The following SIL1 variants were observed in gnomAD, a reference collection of about 807,000 sequenced individuals.
The protein encoded by SIL1 is nucleotide exchange factor SIL1.
SIL1 carries 40 observed loss-of-function variants against 49.1 expected under a neutral mutation model. That is an observed-to-expected ratio of 0.81 (90% CI 0.63 to 1.06). SIL1 has a LOEUF of 1.06. SIL1 is among the 50% of genes least tolerant of loss of function. The pLI is 0.00. For missense variants in SIL1, 500 were observed against 572.6 expected (o/e 0.87, Z 1.29); for synonymous variants, 253 against 250.8 (o/e 1.01, Z -0.08).
At chr5:138,990,167 T>C (rs1767726593) in intron 7 of SIL1, among the ~76,000 whole-genome samples, 1 of 152,196 alleles carries the variant, frequency 6.6e-6, no homozygotes, top group African/African-American at 2.4e-5. Context: ...TCCAACCCAA[T>C]GTGAGCGTAC....
intron 3 of SIL1, among the ~76,000 whole-genome samples, chr5:139,102,029 G>A (rs973356926): frequency 6.6e-6 from 1 of 152,154 alleles, no homozygotes; most frequent in African/African-American, 2.4e-5. Context: ...GAAAAGACAC[G>A]CACTTGGGTG....
chr5:138,998,307 A>G lies in SIL1; in HGVS notation c.767+22864T>C, dbSNP rs1425184893. ...GTGATCCTCCTGAGTAGCTGCGACC[A>G]CAGGCGCGCACCACCACACTTGGCA... On this transcript the variant is annotated intron_variant, in intron 7 of 9. Coordinates refer to ENST00000394817, the MANE Select transcript of SIL1 (RefSeq NM_022464.5). Among the ~76,000 whole-genome samples, 3 of 152,136 alleles carry G rather than the reference A, an allele frequency of 2.0e-5. No individual in the cohort carries two copies. The East Asian group carries it at 5.8e-4, about 29-fold the overall frequency.
chr5:138,976,941 G>A (rs140433650), intron 7 of SIL1, among the ~76,000 whole-genome samples: 4 of 152,246 alleles, frequency 2.6e-5, no homozygotes, highest in Non-Finnish European at 4.4e-5. Flanking sequence ...CTCTCTGAGA[G>A]CTTCTCACAC....
In SIL1 at chr5:139,195,617, G is replaced by A. The variant is rs943934669; in HGVS notation, c.-11+2652C>T. Among the ~76,000 whole-genome samples the A allele has an allele frequency of 3.3e-5, 5 of 151,788 alleles. 1 individual carries two copies. Among genetic ancestry groups the A allele is most frequent in the Non-Finnish European group, 7.4e-5 (5 of 67,966 alleles). On this transcript the variant is annotated intron_variant, in intron 1 of 9. Transcript: ENST00000394817. ...TTAGCCAGGATGGTCTCGATCTCCT[G>A]ACCTCGTGATCCGCCCACCTTGGCC...
Position 139,000,817 on chromosome 5 carries a change from T to C in SIL1, c.767+20354A>G, listed in dbSNP as rs544640096. On this transcript the variant is annotated intron_variant, in intron 7 of 9. Coordinates refer to ENST00000394817, the MANE Select transcript of SIL1 (RefSeq NM_022464.5). ...GCTACACACAAGAATATATTTGCTA[T>C]GCATATAATTGACAAAAGACAGTAT... Among the ~76,000 whole-genome samples the C allele has an allele frequency of 3.5e-4, 53 of 152,002 alleles. 1 individual carries two copies. The highest frequency in any genetic ancestry group is 6.9e-4 in the Non-Finnish European group (47 of 67,988).
intron 7 of SIL1, among the ~76,000 whole-genome samples, chr5:138,981,736 C>T (rs1474967694): frequency 1.3e-5 from 2 of 152,212 alleles, no homozygotes; most frequent in East Asian, 3.9e-4. Context: ...TCTGTTCTGT[C>T]CCAGATGCGC....
intron 3 of SIL1, among the ~76,000 whole-genome samples, chr5:139,068,562 AG>A (rs1022486658): frequency 1.3e-5 from 2 of 151,870 alleles, no homozygotes; most frequent in Non-Finnish European, 2.9e-5. Context: ...AAACAGAGCC[AG>A]GAAACCTCAT....
intron 2 of SIL1, among the ~76,000 whole-genome samples, chr5:139,121,967 A>C (rs779645261): frequency 2.6e-5 from 4 of 152,136 alleles, no homozygotes; most frequent in Non-Finnish European, 4.4e-5. Context: ...TCCCATTTTT[A>C]AACCCGTTCT....
chr5:139,012,192 A>C (rs956854154), intron 7 of SIL1: 1 of 152,386 alleles, frequency 6.6e-6, no homozygotes, highest in African/African-American at 2.4e-5. Context: ...AGCTGGGACC[A>C]CAGAAACATA....
At chr5:139,119,155 A>G (rs954348429) in intron 3 of SIL1, among the ~76,000 whole-genome samples, 4 of 152,174 alleles carry the variant, frequency 2.6e-5, no homozygotes, top group African/African-American at 9.7e-5. Context: ...GTTAACTGTA[A>G]AAATCAGTGC....
chr5:139,055,622 CTCT>C (rs1769391041), intron 3 of SIL1, among the ~76,000 whole-genome samples: 9 of 100,148 alleles, frequency 9.0e-5, no homozygotes, highest in East Asian at 2.6e-4. Flanking sequence ...CCCTCTCCCC[CTCT>C]CCCCCTCTCC....
In SIL1 at chr5:139,082,845, A is replaced by AG. The variant is rs1322012632; in HGVS notation, c.245-31800dup. Among the ~76,000 whole-genome samples, 6 of 152,354 alleles carry AG rather than the reference A, an allele frequency of 3.9e-5. No homozygotes were observed. In the East Asian group the frequency reaches 1.2e-3, roughly 29 times the overall value. On this transcript the variant is annotated intron_variant, in intron 3 of 9. Coordinates refer to ENST00000394817, the MANE Select transcript of SIL1 (RefSeq NM_022464.5). Reference sequence around the variant, plus strand: ...ATAATCAGTGAGATCCTAGTCAGGAAGCTGATCATGGATTAAGCCCATCAG... The same window carrying AG: ...ATAATCAGTGAGATCCTAGTCAGGAAGGCTGATCATGGATTAAGCCCATCAG...
At chr5:139,011,276 C>T (rs575809561) in intron 7 of SIL1, among the ~76,000 whole-genome samples, 3,174 of 152,066 alleles carry the variant, frequency 0.021, 98 homozygotes, top group African/African-American at 0.074. Flanking sequence ...AACTCCCTGA[C>T]CCCTTGCGCT....
intron 1 of SIL1, among the ~76,000 whole-genome samples, chr5:139,171,713 GA>G (rs1438166140): frequency 2.2e-4 from 29 of 133,104 alleles, no homozygotes; most frequent in African/African-American, 5.6e-4. Flanking sequence ...AAAATAAAAA[GA>G]AAAAAAATAA....
intron 5 of SIL1, among the ~76,000 whole-genome samples, chr5:139,039,815 A>T (rs1381155833): frequency 1.3e-5 from 2 of 152,248 alleles, no homozygotes; most frequent in Admixed American, 1.3e-4. Context: ...AATAGCAGAC[A>T]TAATAAAACA....
chr5:138,999,797 C>T (rs1767949579), intron 7 of SIL1, among the ~76,000 whole-genome samples: 1 of 152,074 alleles, frequency 6.6e-6, no homozygotes, highest in South Asian at 2.1e-4. Flanking sequence ...GTTTGGAAGG[C>T]TAAGGTGGGA....
chr5:139,028,788 A>G (rs1279578016), intron 5 of SIL1, among the ~76,000 whole-genome samples: 1 of 152,216 alleles, frequency 6.6e-6, no homozygotes, highest in Non-Finnish European at 1.5e-5. Flanking sequence ...TATGTGTATC[A>G]TTCTATGTAA....
chr5:139,086,231 C>A (rs1056614876), intron 3 of SIL1, among the ~76,000 whole-genome samples: 1 of 146,000 alleles, frequency 6.8e-6, no homozygotes. Context: ...CATGACTGCA[C>A]CACTGCACTC....
chr5:139,038,816 G>C (rs76456464), intron 5 of SIL1, among the ~76,000 whole-genome samples: 1 of 152,178 alleles, frequency 6.6e-6, no homozygotes, highest in African/African-American at 2.4e-5. Flanking sequence ...CACTGGCCCC[G>C]CCCCAGAGAG....
Sources: gnomAD v4.1 joint callset for allele counts (sites outside exome capture counted in the v4.1 genomes callset) on GRCh38, gnomAD v4.1.1 for gene constraint, MANE v1.5 for transcripts, NCBI Gene and HGNC (gene_info 2026-07-23, HGNC 2026-07-21) for gene names.